PCDHA3: variants seen among roughly 807,000 people sequenced by gnomAD.
PCDHA3 encodes the protein protocadherin alpha-3.
A neutral mutation model predicts 62.2 loss-of-function variants in PCDHA3; 41 were observed. The ratio of observed to expected loss-of-function variants is 0.66; its 90% CI spans 0.51 to 0.86. The LOEUF (loss-of-function observed/expected upper bound fraction) is 0.86, where lower values mean the gene tolerates loss of function less well. Among genes scored for constraint, PCDHA3 ranks in the 40% least tolerant of loss-of-function variants. PCDHA3 has a pLI of 0.00. For synonymous variants in PCDHA3, 640 were observed against 555.4 expected, an observed-to-expected ratio of 1.15 and a Z score of -2.14; for missense variants, 1,304 against 1,241.2, an observed-to-expected ratio of 1.05 and a Z score of -0.76.
intron 1 of PCDHA3, chr5:140,843,131 A>C: frequency 6.3e-7 from 1 of 1,596,044 alleles, no homozygotes; most frequent in South Asian, 1.1e-5. Flanking sequence ...CTCGGGCTAC[A>C]ACGCGTGGCT....
At chr5:140,915,840 G>C (rs1554197129) in intron 1 of PCDHA3, among the ~76,000 whole-genome samples, 1 of 152,142 alleles carries the variant, frequency 6.6e-6, no homozygotes, top group African/African-American at 2.4e-5. Context: ...AGATCAGCAG[G>C]GGGTGACACC....
intron 1 of PCDHA3, among the ~76,000 whole-genome samples, chr5:140,913,961 A>T (rs909283613): frequency 2.0e-5 from 3 of 149,744 alleles, no homozygotes; most frequent in South Asian, 2.1e-4. Context: ...TATCATTTTT[A>T]AAAAAATATT....
chr5:140,823,418 T>C, intron 1 of PCDHA3: 1 of 1,613,286 alleles, frequency 6.2e-7, no homozygotes, highest in Non-Finnish European at 8.5e-7. Flanking sequence ...GGCAGCAACG[T>C]GACGCTGCAG....
intron 1 of PCDHA3, chr5:140,856,704 C>CAGT (rs2150363917): frequency 6.3e-7 from 1 of 1,596,654 alleles, no homozygotes; most frequent in East Asian, 2.2e-5. Flanking sequence ...GGAGGCAAAC[C>CAGT]TGAATTTACC....
At chr5:140,877,340 A>G (rs782755927) in intron 1 of PCDHA3, 9 of 1,613,820 alleles carry the variant, frequency 5.6e-6, no homozygotes, top group Admixed American at 1.7e-5. Context: ...ATCCCGTTCC[A>G]CGTGGGGCTG....
rs782761119 is a variant in PCDHA3, at chr5:140,802,968, G to A, written c.1771G>A (p.Val591Ile). Residue 591 changes from valine to isoleucine, a missense_variant, in exon 1 of 4, where the codon GTA becomes ATA. Coordinates refer to ENST00000522353, the MANE Select transcript of PCDHA3 (RefSeq NM_018906.3). ...VPRSVGAGHV[V>I]AKVRAVDADS... Reference sequence around the variant, plus strand: ...GCGGTCAGTGGGTGCGGGCCACGTGGTAGCGAAGGTGCGCGCAGTGGATGC... The same window carrying A: ...GCGGTCAGTGGGTGCGGGCCACGTGATAGCGAAGGTGCGCGCAGTGGATGC... 1 of 1,614,000 alleles carries A rather than the reference G, an allele frequency of 6.2e-7. No homozygotes were observed. Among genetic ancestry groups the A allele is most frequent in the Non-Finnish European group, 8.5e-7 (1 of 1,179,918 alleles).
intron 1 of PCDHA3, chr5:140,828,162 G>A (rs1769562781): frequency 2.5e-6 from 4 of 1,614,172 alleles, no homozygotes; most frequent in Non-Finnish European, 3.4e-6. Context: ...CTCGCAGCCT[G>A]GAAGGTGGGG....
intron 1 of PCDHA3, among the ~76,000 whole-genome samples, chr5:140,910,353 A>G (rs938677700): frequency 1.1e-4 from 16 of 152,306 alleles, no homozygotes; most frequent in African/African-American, 3.8e-4. Context: ...TCTGCTGTCC[A>G]TTATGGTAGC....
intron 1 of PCDHA3, chr5:140,865,130 T>G (rs1221612986): frequency 3.3e-5 from 5 of 152,216 alleles, no homozygotes; most frequent in African/African-American, 1.2e-4. Flanking sequence ...TAATTATACC[T>G]TAGAATTTAA....
chr5:140,886,087 A>G (rs944362157), intron 1 of PCDHA3, among the ~76,000 whole-genome samples: 2 of 152,324 alleles, frequency 1.3e-5, no homozygotes, highest in Admixed American at 6.5e-5. Flanking sequence ...CAACCTGGAT[A>G]TTGACATTGA....
intron 1 of PCDHA3, chr5:140,863,183 C>A: frequency 1.3e-6 from 1 of 766,218 alleles, no homozygotes; most frequent in Non-Finnish European, 2.2e-6. Context: ...GCCACCGTCA[C>A]CGTGGTGGCG....
chr5:140,808,370 T>C (rs1156251617), intron 1 of PCDHA3: 3 of 1,614,086 alleles, frequency 1.9e-6, no homozygotes, highest in Non-Finnish European at 2.5e-6. Context: ...CCACGTCCCC[T>C]TCAAGCTGGT....
At chr5:140,940,731 G>C (rs1195223562) in intron 1 of PCDHA3, among the ~76,000 whole-genome samples, 1 of 152,280 alleles carries the variant, frequency 6.6e-6, no homozygotes, top group South Asian at 2.1e-4. Context: ...CAGCTGGACA[G>C]CTCCATATTT....
chr5:140,801,267 T>G lies in PCDHA3; in HGVS notation c.70T>G (p.Ser24Ala). Reference sequence around the variant, plus strand: ...GCTTTCTCTTCTGCTCCTCGCAGCCTCGGAGGTGGGGAGCGGCCAGCTCCA... The same window carrying G: ...GCTTTCTCTTCTGCTCCTCGCAGCCGCGGAGGTGGGGAGCGGCCAGCTCCA... Reference protein sequence around the residue: ...LLLSLLLLAASEVGSGQLHYS... With the variant: ...LLLSLLLLAAAEVGSGQLHYS... Residue 24 changes from serine (S) to alanine (A), a missense_variant, in exon 1 of 4, where the codon TCG becomes GCG. Coordinates refer to ENST00000522353, the MANE Select transcript of PCDHA3 (RefSeq NM_018906.3). 1 of 1,613,708 alleles carries G rather than the reference T, an allele frequency of 6.2e-7. No homozygotes were observed. The highest frequency in any genetic ancestry group is 8.5e-7 in the Non-Finnish European group (1 of 1,179,874).
chr5:140,999,764 T>G (rs1587850651), intron 3 of PCDHA3, among the ~76,000 whole-genome samples: 1 of 152,284 alleles, frequency 6.6e-6, no homozygotes, highest in East Asian at 1.9e-4. Flanking sequence ...CATGATGTCT[T>G]TATACTCTTA....
intron 1 of PCDHA3, among the ~76,000 whole-genome samples, chr5:140,907,687 G>A (rs1554193091): frequency 6.6e-6 from 1 of 152,220 alleles, no homozygotes; most frequent in East Asian, 1.9e-4. Context: ...GCCTTGGTGA[G>A]TGGAAGTCCC....
chr5:140,802,463 G>A lies in PCDHA3; in HGVS notation c.1266G>A (p.Glu422=), dbSNP rs781868454. The change falls in exon 1 of 4, where the codon GAG becomes GAA. Residue 422 remains glutamate (E), a synonymous_variant. Coordinates refer to ENST00000522353, the MANE Select transcript of PCDHA3 (RefSeq NM_018906.3). ...PLDRESVSAY[E]LVVTARDGGS... is the part of the protein sequence containing the mutation. ...ACCGCGAGAGCGTGTCGGCCTATGA[G>A]CTGGTGGTGACTGCTCGGGACGGGG... 1.2e-6 allele frequency: 2 copies of A among 1,614,210 alleles called. No individual in the cohort carries two copies. The highest frequency in any genetic ancestry group is 1.3e-5 in the African/African-American group (1 of 75,072).
At chr5:140,985,487 A>C (rs1554247112) in intron 3 of PCDHA3, among the ~76,000 whole-genome samples, 1 of 152,162 alleles carries the variant, frequency 6.6e-6, no homozygotes, top group Non-Finnish European at 1.5e-5. Context: ...TCCAGACTCA[A>C]ATAGAGCCTG....
chr5:140,928,354 A>C (rs374655565), intron 1 of PCDHA3: 10 of 1,614,032 alleles, frequency 6.2e-6, no homozygotes, highest in African/African-American at 1.3e-5. Flanking sequence ...GTTGGATGTT[A>C]TCTCTGAAGG....
Sources: allele counts gnomAD v4.1 joint callset (sites outside exome capture counted in the v4.1 genomes callset), GRCh38; gene constraint gnomAD v4.1.1; transcripts MANE v1.5; gene names NCBI Gene and HGNC (gene_info 2026-07-23, HGNC 2026-07-21).